LARGE1: variants seen among roughly 807,000 people sequenced by gnomAD.
The protein encoded by LARGE1 is LARGE xylosyl- and glucuronyltransferase 1.
In LARGE1, 43 loss-of-function variants were observed where a neutral mutation model predicts 87.6. The ratio of observed to expected loss-of-function variants is 0.49; its 90% CI spans 0.38 to 0.63. LARGE1 has a LOEUF of 0.63. LARGE1 is among the 30% of genes least tolerant of loss of function. The probability of loss-of-function intolerance (pLI) is 0.00; values close to 1 mark genes in which losing one functional copy is unlikely to be tolerated. For missense variants in LARGE1, 802 were observed against 1,000.2 expected, an observed-to-expected ratio of 0.80 and a Z score of 2.67; for synonymous variants, 434 against 394.6, an observed-to-expected ratio of 1.10 and a Z score of -1.18.
chr22:33,846,749 G>A (rs1476669321), intron 1 of LARGE1, among the ~76,000 whole-genome samples: 1 of 152,138 alleles, frequency 6.6e-6, no homozygotes, highest in African/African-American at 2.4e-5. Context: ...GGCTGTAGGG[G>A]TGAAATAGAC....
rs1317236038 is a variant in LARGE1 at position 33,540,579 on chromosome 22, AG to A, written c.787+24268del. Among the ~76,000 whole-genome samples, 4 of 152,308 alleles carry A rather than the reference AG, an allele frequency of 2.6e-5. No homozygotes were observed. The East Asian group carries it at 7.7e-4, about 29-fold the overall frequency. ...CCCCATGGCAAAACAACCAAGACAC[AG>A]TGTCTCTTTTGTTGCAGTAGCCAGC... On this transcript the variant is annotated intron_variant, in intron 6 of 14. Coordinates refer to ENST00000397394, the MANE Select transcript of LARGE1 (RefSeq NM_133642.5).
intron 11 of LARGE1, among the ~76,000 whole-genome samples, chr22:33,183,616 A>ACACACACACG (rs1234416934): frequency 3.1e-5 from 3 of 97,828 alleles, no homozygotes; most frequent in African/African-American, 7.2e-5. Flanking sequence ...ACACACACAC[A>ACACACACACG]CACGCACACA....
intron 11 of LARGE1, among the ~76,000 whole-genome samples, chr22:33,315,133 C>G (rs12106538): frequency 3.9e-5 from 6 of 152,094 alleles, no homozygotes; most frequent in African/African-American, 1.4e-4. Context: ...GGTGTGAACC[C>G]GGGAGGCGTG....
chr22:33,791,361 C>T, intron 1 of LARGE1, among the ~76,000 whole-genome samples: 1 of 152,188 alleles, frequency 6.6e-6, no homozygotes, highest in Non-Finnish European at 1.5e-5. Flanking sequence ...TAGGAGTAAA[C>T]TCTTCTGCAC....
intron 9 of LARGE1, 107 bp downstream of exon 9, chr22:33,381,812 A>C (rs557187122): frequency 4.7e-5 from 67 of 1,415,314 alleles, no homozygotes; most frequent in East Asian, 9.1e-5. Context: ...CTGTGCCCTT[A>C]TCTCTCTCAC....
chr22:33,152,458 G>A, the LARGE1 span, among the ~76,000 whole-genome samples: 2 of 152,238 alleles, frequency 1.3e-5, no homozygotes, highest in Admixed American at 6.5e-5. Flanking sequence ...TTCCCAAAAC[G>A]CTAGCTCACA....
chr22:33,543,453 C>A lies in LARGE1; in HGVS notation c.787+21395G>T, dbSNP rs561471452. On this transcript the variant is annotated intron_variant, in intron 6 of 14. Coordinates refer to ENST00000397394, the MANE Select transcript of LARGE1 (RefSeq NM_133642.5). ...AACTCATCCACGCATCAAAAGTTTA[C>A]AAATGCCTATGATAAGCTGGGTACT... Among the ~76,000 whole-genome samples the A allele has an allele frequency of 1.2e-4, 18 of 152,310 alleles. No individual in the cohort carries two copies. In the South Asian group the frequency reaches 3.7e-3, roughly 32 times the overall value.
chr22:33,651,924 A>G (rs1030219653), intron 2 of LARGE1, among the ~76,000 whole-genome samples: 1 of 151,886 alleles, frequency 6.6e-6, no homozygotes, highest in Admixed American at 6.5e-5. Context: ...CTGTAATCCC[A>G]GCATTTTGGG....
intron 1 of LARGE1, among the ~76,000 whole-genome samples, chr22:33,806,479 A>C (rs1451288342): frequency 6.6e-6 from 1 of 152,208 alleles, no homozygotes; most frequent in South Asian, 2.1e-4. Flanking sequence ...AATCACATAC[A>C]TCAAGAGGAC....
At chr22:33,115,747 G>A in the LARGE1 span, among the ~76,000 whole-genome samples, 1 of 151,110 alleles carries the variant, frequency 6.6e-6, no homozygotes, top group Admixed American at 6.6e-5. Context: ...GAACTGGGAG[G>A]CGGCGGTTGC....
At chr22:33,738,003 T>C (rs2083720727) in intron 2 of LARGE1, among the ~76,000 whole-genome samples, 1 of 152,090 alleles carries the variant, frequency 6.6e-6, no homozygotes, top group Non-Finnish European at 1.5e-5. Flanking sequence ...AGCCAGCAAC[T>C]AAAAGGAAAC....
chr22:33,441,071 C>CTTTTTTTTTTTTTTTTTTTTTTTTTT (rs35976426), intron 6 of LARGE1, among the ~76,000 whole-genome samples: 4 of 98,554 alleles, frequency 4.1e-5, no homozygotes, highest in African/African-American at 9.8e-5. Flanking sequence ...TTTGTTTGAA[C>CTTTTTTTTTTTTTTTTTTTTTTTTTT]TTTTTTTTTT....
chr22:33,347,757 CAG>C (rs1601541034), intron 9 of LARGE1, among the ~76,000 whole-genome samples: 1 of 152,168 alleles, frequency 6.6e-6, no homozygotes, highest in East Asian at 1.9e-4. Flanking sequence ...CCTAATATCA[CAG>C]AGACAGCCCC....
At chr22:33,871,275 T>A (rs1316635065) in intron 1 of LARGE1, among the ~76,000 whole-genome samples, 2 of 152,198 alleles carry the variant, frequency 1.3e-5, no homozygotes, top group East Asian at 1.9e-4. Flanking sequence ...CTGGGGTGTC[T>A]AGAGTACAAA....
rs149047608 is a variant in LARGE1 at position 33,569,883 on chromosome 22, C to T, written c.616-4864G>A. 1.4e-3 allele frequency among the ~76,000 whole-genome samples: 207 copies of T among 152,328 alleles called. 1 individual carries two copies. The highest frequency in any genetic ancestry group is 4.8e-3 in the African/African-American group (201 of 41,574). Reference sequence around the variant, plus strand: ...GATGTCTTTTTGACTGTGGTAACAACACAGTAATTATTCAAAAACTGTTTG... The same window carrying T: ...GATGTCTTTTTGACTGTGGTAACAATACAGTAATTATTCAAAAACTGTTTG... On this transcript the variant is annotated intron_variant, in intron 5 of 14. Coordinates refer to ENST00000397394, the MANE Select transcript of LARGE1 (RefSeq NM_133642.5).
chr22:33,484,911 GTTTT>G (rs545498648), intron 6 of LARGE1, among the ~76,000 whole-genome samples: 1 of 130,372 alleles, frequency 7.7e-6, no homozygotes, highest in Admixed American at 7.7e-5. Context: ...TAATGAGGTG[GTTTT>G]TTTTTTTTTT....
chr22:33,068,168 T>G, the LARGE1 span, among the ~76,000 whole-genome samples: 2 of 152,274 alleles, frequency 1.3e-5, no homozygotes, highest in East Asian at 3.9e-4. Context: ...TTATTAATAC[T>G]AAAGCACACC....
chr22:33,218,024 G>C (rs1029060172), intron 11 of LARGE1, among the ~76,000 whole-genome samples: 1 of 151,926 alleles, frequency 6.6e-6, no homozygotes, highest in African/African-American at 2.4e-5. Flanking sequence ...CTGCCTCCCA[G>C]GTTCAAGTGA....
At chr22:33,468,114 C>T (rs1166504415) in intron 6 of LARGE1, among the ~76,000 whole-genome samples, 6 of 152,148 alleles carry the variant, frequency 3.9e-5, no homozygotes, top group East Asian at 1.9e-4. Context: ...CGTTGATGAG[C>T]GCATGGAACA....
Sources: allele counts gnomAD v4.1 joint callset (sites outside exome capture counted in the v4.1 genomes callset), GRCh38; gene constraint gnomAD v4.1.1; transcripts MANE v1.5; gene names NCBI Gene and HGNC (gene_info 2026-07-23, HGNC 2026-07-21).